DLX4: variants seen among roughly 807,000 people sequenced by gnomAD.
The protein encoded by DLX4 is distal-less homeobox 4, also known as homeobox protein DLX-4.
DLX4 carries 13 observed loss-of-function variants against 17.1 expected under a neutral mutation model. That is an observed-to-expected ratio of 0.76 (90% CI 0.49 to 1.21). The LOEUF is 1.21. DLX4 is among the 50% of genes most tolerant of loss of function. The probability of loss-of-function intolerance (pLI) is 0.00; values close to 1 mark genes in which losing one functional copy is unlikely to be tolerated. For synonymous variants in DLX4, 129 were observed against 140.3 expected, an observed-to-expected ratio of 0.92 and a Z score of 0.57; for missense variants, 297 against 301.4, an observed-to-expected ratio of 0.99 and a Z score of 0.11.
chr17:49,970,510 G>A (rs933514185), intron 1 of DLX4, among the ~76,000 whole-genome samples: 1 of 152,222 alleles, frequency 6.6e-6, no homozygotes, highest in South Asian at 2.1e-4. Context: ...CCGTTGCCTG[G>A]AGCAACTCTG....
rs541859333 is a variant in DLX4 at position 49,972,712 on chromosome 17, C to T, written c.284-361C>T. The T allele has an allele frequency of 2.1e-5, 29 of 1,351,826 alleles. No homozygotes were observed. The highest frequency in any genetic ancestry group is 1.9e-5 in the South Asian group (1 of 52,762). The allele number at this position is 1,351,826 out of a possible 1,614,324, so 83.7% of individuals were successfully genotyped here. The stretch of plus-strand genomic sequence containing the variant: ...CTCAGCCCTGGACCTAGCCTTTCTG[C>T]CCCGCCCTACCCCAAGCTGGCGCCA... On this transcript the variant is annotated intron_variant, in intron 1 of 2. Transcript: ENST00000240306. The surrounding 1 kb of genome is among the most constrained non-coding windows in gnomAD (Gnocchi z 5.4).
Position 49,973,839 on chromosome 17 carries a change from C to G in DLX4, c.619C>G (p.Leu207Val). 7.5e-6 allele frequency: 12 copies of G among 1,608,348 alleles called. No homozygotes were observed. Among genetic ancestry groups the G allele is most frequent in the African/African-American group, 1.3e-5 (1 of 74,812 alleles). ...CCCACCCCTCCCCTCCCTCTGGGAT[C>G]TACCCAAGGCAGGGACCCTGCCCAC... ...CSPPLPSLWDLPKAGTLPTSG... is the reference protein window; with the variant it reads ...CSPPLPSLWDVPKAGTLPTSG... The change falls in exon 3 of 3, where the codon CTA (leucine) becomes GTA (valine). Residue 207 changes from leucine (L) to valine (V), a missense_variant. Transcript: ENST00000240306.
chr17:49,971,216 G>C lies in DLX4; in HGVS notation c.283+1465G>C, dbSNP rs141575163. On this transcript the variant is annotated intron_variant, in intron 1 of 2. Coordinates refer to ENST00000240306, the MANE Select transcript of DLX4 (RefSeq NM_138281.3). ...TGAGATCTAAGGACAACAGAGTGGAGAGTTCATTTTCTTTAAGGACTTTCC... is the reference window on the plus strand; with the variant it reads ...TGAGATCTAAGGACAACAGAGTGGACAGTTCATTTTCTTTAAGGACTTTCC... Among the ~76,000 whole-genome samples, 425 of 152,266 alleles carry C rather than the reference G, an allele frequency of 2.8e-3. 2 individuals carry two copies. The highest frequency in any genetic ancestry group is 9.9e-3 in the African/African-American group (412 of 41,532).
At chr17:49,968,829 C>G (rs2144155086), upstream of DLX4, 1 of 152,394 alleles carries the variant, frequency 6.6e-6, no homozygotes, top group Non-Finnish European at 1.5e-5. Context: ...GCGGCTGGAC[C>G]AGAATCGACG....
In DLX4 at chr17:49,974,711, C is replaced by T. The variant is rs1905657853; in HGVS notation, c.*768C>T. On this transcript the variant is annotated 3_prime_UTR_variant, in exon 3 of 3. Coordinates refer to ENST00000240306, the MANE Select transcript of DLX4 (RefSeq NM_138281.3). ...AGAGGCTCCCTTCTATTCCCCATCC[C>T]TAATCCCTAACGAACCCACGGGCAC... is the stretch of plus-strand genomic sequence containing the variant. The T allele has an allele frequency of 6.6e-6, 1 of 152,076 alleles. No individual in the cohort carries two copies. Among genetic ancestry groups the T allele is most frequent in the Admixed American group, 6.6e-5 (1 of 15,264 alleles). 9.4% of individuals were successfully genotyped at this position (152,076 alleles called of 1,614,324 possible). A position where few individuals can be genotyped will look rare whatever the true frequency, so the allele number is the denominator to read the frequency against.
chr17:49,973,011 A>C (rs1471791984), intron 1 of DLX4, 62 bp from the exon 2 acceptor site: 2 of 1,585,652 alleles, frequency 1.3e-6, no homozygotes, highest in East Asian at 4.5e-5. Context: ...AGCTTATGAA[A>C]CTGTCCGTCC....
rs762378296 is a variant in DLX4 at position 49,969,712 on chromosome 17, C to T, written c.244C>T (p.Leu82Phe). The change falls in exon 1 of 3, where the codon CTC becomes TTC. Residue 82 changes from leucine to phenylalanine, a missense_variant. Transcript: ENST00000240306. The stretch of plus-strand genomic sequence containing the variant: ...GCAACCCGCGGCGCTCTCTCAGCCC[C>T]TCTGCGGACCTGCAGAGCACCCTCA... ...CQQPAALSQP[L>F]CGPAEHPQEL... 1.2e-6 allele frequency: 2 copies of T among 1,601,518 alleles called. No individual in the cohort carries two copies. The highest frequency in any genetic ancestry group is 1.7e-6 in the Non-Finnish European group (2 of 1,179,688).
At chr17:49,969,162 C>T, upstream of DLX4, 1 of 295,170 alleles carries the variant, frequency 3.4e-6, no homozygotes, top group Non-Finnish European at 6.2e-6. Context: ...GGTAGCCAAT[C>T]CGGGACGTCT....
chr17:49,971,252 G>C (rs1211165815), intron 1 of DLX4, among the ~76,000 whole-genome samples: 2 of 152,086 alleles, frequency 1.3e-5, no homozygotes, highest in Non-Finnish European at 2.9e-5. Flanking sequence ...CCCATCCAGC[G>C]AAAAACCACA....
In DLX4 at chr17:49,969,562, C is replaced by T; in HGVS notation, c.94C>T (p.Pro32Ser). 1.2e-6 allele frequency: 2 copies of T among 1,613,624 alleles called. No individual in the cohort carries two copies. The highest frequency in any genetic ancestry group is 8.5e-7 in the Non-Finnish European group (1 of 1,179,978). Residue 32 changes from proline to serine, a missense_variant, in exon 1 of 3, where the codon CCG becomes TCG. Transcript: ENST00000240306. ...TGTCCCGTCGGTAGCGGCTGCCTAC[C>T]CGCTTGGCTTGTCCCCTACAACCGC... ...APVPSVAAAY[P>S]LGLSPTTAAS...
Position 49,973,074 on chromosome 17 carries a change from C to T in DLX4, c.285C>T (p.Asp95=). The T allele has an allele frequency of 6.2e-7, 1 of 1,614,060 alleles. No homozygotes were observed. Among genetic ancestry groups the T allele is most frequent in the South Asian group, 1.1e-5 (1 of 91,064 alleles). The change falls in exon 2 of 3, where the codon GAC becomes GAT. Residue 95 remains aspartate, a splice_region_variant and synonymous_variant. Coordinates refer to ENST00000240306, the MANE Select transcript of DLX4 (RefSeq NM_138281.3). ...ACACCGTGTTGTGCTGCCCACCAGA[C>T]TCGGAGAAGCCGCGGCTGTCCCCGG... ...PAEHPQELEA[D]SEKPRLSPEP... is the part of the protein sequence containing the mutation.
chr17:49,971,499 C>T (rs1244659629), intron 1 of DLX4, among the ~76,000 whole-genome samples: 3 of 152,136 alleles, frequency 2.0e-5, no homozygotes, highest in Non-Finnish European at 4.4e-5. Flanking sequence ...TGATCGCGAC[C>T]CGGGCAGATC....
chr17:49,969,823 C>T (rs1339168596), intron 1 of DLX4, 72 bp downstream of exon 1: 5 of 1,378,838 alleles, frequency 3.6e-6, no homozygotes, highest in Non-Finnish European at 4.7e-6. Context: ...TTCTCCCTCG[C>T]CTGGTTGGAC....
rs1905549163 is a variant in DLX4 at position 49,972,627 on chromosome 17, C to CG, written c.284-446_284-445insG. The CG allele has an allele frequency of 1.3e-6, 1 of 788,720 alleles. No individual in the cohort carries two copies. Among genetic ancestry groups the CG allele is most frequent in the Admixed American group, 5.2e-5 (1 of 19,160 alleles). 48.9% of individuals were successfully genotyped at this position (788,720 alleles called of 1,614,324 possible). On this transcript the variant is annotated intron_variant, in intron 1 of 2. Coordinates refer to ENST00000240306, the MANE Select transcript of DLX4 (RefSeq NM_138281.3). The surrounding 1 kb of genome is among the most constrained non-coding windows in gnomAD (Gnocchi z 5.4). ...GCCACGCGGACACCGTCTCAAGCCT[C>CG]TGAGCATTGCTCTGAGCCTCTGCCT...
chr17:49,969,747 G>T lies in DLX4; in HGVS notation c.279G>T (p.Glu93Asp). 1 of 1,592,176 alleles carries T rather than the reference G, an allele frequency of 6.3e-7. No individual in the cohort carries two copies. Among genetic ancestry groups the T allele is most frequent in the Non-Finnish European group, 8.5e-7 (1 of 1,175,672 alleles). Residue 93 changes from glutamate to aspartate, a missense_variant, in exon 1 of 3, where the codon GAG becomes GAT. Transcript: ENST00000240306. Reference sequence around the variant, plus strand: ...CTGCAGAGCACCCTCAGGAACTCGAGGCAGGTAAGTTCGGCCGTGGAGGCT... The same window carrying T: ...CTGCAGAGCACCCTCAGGAACTCGATGCAGGTAAGTTCGGCCGTGGAGGCT... ...CGPAEHPQEL[E>D]ADSEKPRLSP...
chr17:49,972,672 A>G lies in DLX4; in HGVS notation c.284-401A>G. 9.0e-7 allele frequency: 1 copy of G among 1,114,966 alleles called. No homozygotes were observed. The highest frequency in any genetic ancestry group is 1.1e-6 in the Non-Finnish European group (1 of 891,842). The allele number at this position is 1,114,966 out of a possible 1,614,324, so 69.1% of individuals were successfully genotyped here. ...CTGCCTGCAATGTCCTTCCTCTGTC[A>G]TCTCTAGGCCTCGGCTCAGCCCTGG... is the stretch of plus-strand genomic sequence containing the variant. On this transcript the variant is annotated intron_variant, in intron 1 of 2. Transcript: ENST00000240306. This position sits in a 1 kb window ranked among gnomAD's most constrained non-coding sequence, Gnocchi z 5.4.
rs1273272648 is a variant in DLX4, at chr17:49,972,814, A to G, written c.284-259A>G. ...CTGTGGCCCTCGGCGCTTTCTTCCT[A>G]GGGTCACAGGACCCATACGAGTGGG... On this transcript the variant is annotated intron_variant, in intron 1 of 2. Coordinates refer to ENST00000240306, the MANE Select transcript of DLX4 (RefSeq NM_138281.3). The surrounding 1 kb of genome is among the most constrained non-coding windows in gnomAD (Gnocchi z 5.4). The G allele has an allele frequency of 7.2e-6, 10 of 1,388,096 alleles. No homozygotes were observed. The highest frequency in any genetic ancestry group is 8.4e-6 in the Non-Finnish European group (9 of 1,072,754). 86.0% of individuals were successfully genotyped at this position (1,388,096 alleles called of 1,614,324 possible).
Position 49,969,699 on chromosome 17 carries a change from G to T in DLX4, c.231G>T (p.Ala77=), listed in dbSNP as rs200168432. The T allele has an allele frequency of 3.1e-6, 5 of 1,602,942 alleles. No homozygotes were observed. The highest frequency in any genetic ancestry group is 2.7e-5 in the African/African-American group (2 of 74,966). ...ACCTGTCCTGCCAGCAACCCGCGGC[G>T]CTCTCTCAGCCCCTCTGCGGACCTG... ...DSYLSCQQPA[A]LSQPLCGPAE... Residue 77 remains alanine (A), a synonymous_variant, in exon 1 of 3, where the codon GCG becomes GCT. Transcript: ENST00000240306.
In DLX4 at chr17:49,974,624, A is replaced by G. The variant is rs1178912327; in HGVS notation, c.*681A>G. Reference sequence around the variant, plus strand: ...AAGCCCTCTTTCCCACCCCCTCCCCATCTCCCCTTTTTGAATAGATAATGG... The same window carrying G: ...AAGCCCTCTTTCCCACCCCCTCCCCGTCTCCCCTTTTTGAATAGATAATGG... On this transcript the variant is annotated 3_prime_UTR_variant, in exon 3 of 3. Coordinates refer to ENST00000240306, the MANE Select transcript of DLX4 (RefSeq NM_138281.3). 8.0e-6 allele frequency: 1 copy of G among 124,758 alleles called. No homozygotes were observed. Among genetic ancestry groups the G allele is most frequent in the Non-Finnish European group, 1.7e-5 (1 of 59,276 alleles). The allele number at this position is 124,758 out of a possible 1,614,324, so 7.7% of individuals were successfully genotyped here.
Sources: allele counts gnomAD v4.1 joint callset (sites outside exome capture counted in the v4.1 genomes callset), GRCh38; gene constraint gnomAD v4.1.1; non-coding constraint Gnocchi (gnomAD v3.1); transcripts MANE v1.5; gene names NCBI Gene and HGNC (gene_info 2026-07-23, HGNC 2026-07-21).